Variants in FRMD4A observed in about 807,000 individuals in gnomAD.
FRMD4A encodes FERM domain containing 4A.
Under a neutral mutation model 129.1 loss-of-function variants are expected in FRMD4A, and 29 were observed. The observed-to-expected ratio is 0.22, with a 90% confidence interval of 0.17 to 0.31. FRMD4A has a LOEUF of 0.31. FRMD4A is among the 10% of genes least tolerant of loss of function. The pLI is 1.00. For missense variants in FRMD4A, 1,272 were observed against 1,375.8 expected (o/e 0.92, Z 1.19); for synonymous variants, 634 against 571.6 (o/e 1.11, Z -1.56).
chr10:14,076,362 C>G (rs968919758), intron 2 of FRMD4A, among the ~76,000 whole-genome samples: 1 of 152,078 alleles, frequency 6.6e-6, no homozygotes, highest in African/African-American at 2.4e-5. Flanking sequence ...GGATCATGGC[C>G]AGGTGTAGTG....
At chr10:13,970,493 C>T (rs564169318) in intron 2 of FRMD4A, among the ~76,000 whole-genome samples, 7 of 152,106 alleles carry the variant, frequency 4.6e-5, no homozygotes, top group Non-Finnish European at 8.8e-5. Flanking sequence ...TATAGACCAC[C>T]AAATTACACC....
rs28649073 is a variant in FRMD4A, at chr10:13,913,665, T to C, written c.46-54753A>G. Among the ~76,000 whole-genome samples, 1,897 of 152,184 alleles carry C rather than the reference T, an allele frequency of 0.012. 93 individuals are homozygous for C. In the East Asian group the frequency reaches 0.17, roughly 14 times the overall value. ...CTCCTGCAACATGCCAGGACCTCAG[T>C]AGATGGGGTATCCTTAGTAACTGTA... On this transcript the variant is annotated intron_variant, in intron 2 of 24. Transcript: ENST00000357447.
At chr10:13,654,148 G>A (rs1280921686) in intron 23 of FRMD4A, 2 of 554,784 alleles carry the variant, frequency 3.6e-6, no homozygotes, top group East Asian at 3.0e-5. Flanking sequence ...AAGAAGCACA[G>A]TCCCACTTCG....
At position 13,951,787 on chromosome 10, in the gene FRMD4A, G is replaced by A. The variant is rs112471739; in HGVS notation, c.46-92875C>T. ...CGCCTGGAATCCCAGCTACTTGGGC[G>A]GCTGAGGCAGGAGAATCCCTTGAAC... On this transcript the variant is annotated intron_variant, in intron 2 of 24. Coordinates refer to ENST00000357447, the MANE Select transcript of FRMD4A (RefSeq NM_018027.5). 5.0e-3 allele frequency among the ~76,000 whole-genome samples: 760 copies of A among 151,938 alleles called. 8 individuals carry two copies. Among genetic ancestry groups the A allele is most frequent in the African/African-American group, 0.017 (712 of 41,450 alleles).
intron 2 of FRMD4A, among the ~76,000 whole-genome samples, chr10:14,127,972 TTCTTTCCTTCTC>T (rs1404233798): frequency 0.019 from 523 of 26,860 alleles, 38 homozygotes; most frequent in African/African-American, 0.07. Flanking sequence ...CTTTCTTTCT[TTCTTTCCTTCTC>T]TCTCTCTCTC....
intron 2 of FRMD4A, among the ~76,000 whole-genome samples, chr10:14,178,548 G>A (rs1841808809): frequency 1.3e-5 from 2 of 152,136 alleles, no homozygotes; most frequent in East Asian, 1.9e-4. Context: ...GTTGCAGGGT[G>A]AAGGGGGCAG....
chr10:14,169,006 C>T (rs1841335576), intron 2 of FRMD4A, among the ~76,000 whole-genome samples: 1 of 152,108 alleles, frequency 6.6e-6, no homozygotes, highest in Non-Finnish European at 1.5e-5. Flanking sequence ...CTGTTTGCAC[C>T]CAACTGAGGT....
At chr10:13,879,358 A>T (rs1367568610) in intron 2 of FRMD4A, among the ~76,000 whole-genome samples, 1 of 152,100 alleles carries the variant, frequency 6.6e-6, no homozygotes, top group Admixed American at 6.6e-5. Context: ...AAATCTTTTA[A>T]AAAACGTAGC....
chr10:14,231,995 A>G (rs1843654705), intron 2 of FRMD4A, among the ~76,000 whole-genome samples: 1 of 152,164 alleles, frequency 6.6e-6, no homozygotes. Context: ...TTGTCATGAA[A>G]TCTTTGCCAG....
chr10:13,797,917 A>AG (rs1491502269), intron 4 of FRMD4A, among the ~76,000 whole-genome samples: 3 of 119,854 alleles, frequency 2.5e-5, no homozygotes, highest in African/African-American at 8.7e-5. Flanking sequence ...CTTTCGCACA[A>AG]GAAAAAAAAA....
chr10:13,790,185 C>T (rs1169187580), intron 5 of FRMD4A, among the ~76,000 whole-genome samples: 1 of 151,968 alleles, frequency 6.6e-6, no homozygotes, highest in African/African-American at 2.4e-5. Flanking sequence ...AGGTTGACTC[C>T]CAAGTCTCTG....
intron 2 of FRMD4A, among the ~76,000 whole-genome samples, chr10:14,037,482 T>A (rs984336500): frequency 6.6e-6 from 1 of 152,230 alleles, no homozygotes; most frequent in African/African-American, 2.4e-5. Context: ...CCTCTCAAAG[T>A]GCTGGGATTA....
intron 8 of FRMD4A, among the ~76,000 whole-genome samples, chr10:13,749,654 A>T (rs890706352): frequency 6.6e-6 from 1 of 152,130 alleles, no homozygotes; most frequent in African/African-American, 2.4e-5. Flanking sequence ...AGGTTTGGTG[A>T]CATTAGAGCA....
chr10:13,776,123 G>C (rs1260281698), intron 6 of FRMD4A, among the ~76,000 whole-genome samples: 2 of 151,436 alleles, frequency 1.3e-5, no homozygotes, highest in Non-Finnish European at 2.9e-5. Flanking sequence ...TTTTCTTTGT[G>C]ACAAAGTCTC....
intron 2 of FRMD4A, among the ~76,000 whole-genome samples, chr10:13,876,414 A>G (rs1418884): frequency 0.62 from 94,179 of 152,018 alleles, 29,289 homozygotes; most frequent in South Asian, 0.72. Context: ...CTACTTTTTG[A>G]TGCTACCAAT....
chr10:13,930,213 G>C (rs2095177412), intron 2 of FRMD4A, among the ~76,000 whole-genome samples: 1 of 152,182 alleles, frequency 6.6e-6, no homozygotes, highest in Non-Finnish European at 1.5e-5. Flanking sequence ...GCTCAGCCGG[G>C]TCTGCACAGG....
chr10:14,043,615 C>T lies in FRMD4A; in HGVS notation c.46-184703G>A, dbSNP rs576871687. On this transcript the variant is annotated intron_variant, in intron 2 of 24. Coordinates refer to ENST00000357447, the MANE Select transcript of FRMD4A (RefSeq NM_018027.5). ...TTTCCTTTGGCTGGATGATTTCTCACTCCCCAGCACCTGCTCTAACTTCTG... is the reference window on the plus strand; with the variant it reads ...TTTCCTTTGGCTGGATGATTTCTCATTCCCCAGCACCTGCTCTAACTTCTG... Among the ~76,000 whole-genome samples the T allele has an allele frequency of 2.0e-5, 3 of 152,338 alleles. No homozygotes were observed. The South Asian group carries it at 6.2e-4, about 32-fold the overall frequency.
intron 15 of FRMD4A, among the ~76,000 whole-genome samples, chr10:13,683,757 G>A (rs373267864): frequency 6.6e-6 from 1 of 151,404 alleles, no homozygotes; most frequent in Non-Finnish European, 1.5e-5. Context: ...CTGTCGCCCA[G>A]GCTGGAGTGC....
intron 2 of FRMD4A, among the ~76,000 whole-genome samples, chr10:13,991,619 A>G (rs1231838977): frequency 2.0e-5 from 3 of 152,222 alleles, no homozygotes; most frequent in African/African-American, 7.2e-5. Context: ...CAATGTTCCC[A>G]TGTCTTGGCT....
Sources: gnomAD v4.1 joint callset for allele counts (sites outside exome capture counted in the v4.1 genomes callset) on GRCh38, gnomAD v4.1.1 for gene constraint, MANE v1.5 for transcripts, NCBI Gene and HGNC (gene_info 2026-07-23, HGNC 2026-07-21) for gene names.